The following CTNNA1 variants were observed in gnomAD, a reference collection of about 807,000 sequenced individuals.
CTNNA1 encodes catenin alpha 1.
CTNNA1 carries 37 observed loss-of-function variants against 98.4 expected under a neutral mutation model. The ratio of observed to expected loss-of-function variants is 0.38; its 90% CI spans 0.29 to 0.49. The LOEUF (loss-of-function observed/expected upper bound fraction) is 0.49, where lower values mean the gene tolerates loss of function less well. CTNNA1 is among the 20% of genes least tolerant of loss of function. The pLI, the probability that CTNNA1 is intolerant of heterozygous loss-of-function variation, is 0.95. For missense variants in CTNNA1, 761 were observed against 1,147.2 expected (o/e 0.66, Z 4.86); for synonymous variants, 404 against 413.2 (o/e 0.98, Z 0.27).
intron 7 of CTNNA1, among the ~76,000 whole-genome samples, chr5:138,867,770 T>A (rs2149905446): frequency 6.6e-6 from 1 of 151,724 alleles, no homozygotes; most frequent in Admixed American, 6.6e-5. Context: ...TCTTTTTTTT[T>A]AAGATGGAGT....
At chr5:138,824,918 T>G in intron 6 of CTNNA1, 119 bp downstream of exon 6, 3 of 907,610 alleles carry the variant, frequency 3.3e-6, no homozygotes, top group Middle Eastern at 5.6e-4. Context: ...AGATCTTTAA[T>G]CTAAGTCAAA....
chr5:138,830,353 T>C (rs1431150393), intron 7 of CTNNA1, among the ~76,000 whole-genome samples: 4 of 152,132 alleles, frequency 2.6e-5, no homozygotes, highest in African/African-American at 9.7e-5. Flanking sequence ...CAGAGCGAGA[T>C]TCTGTCTCAA....
chr5:138,883,154 AC>A lies in CTNNA1; in HGVS notation c.1063-3056del, dbSNP rs1344238251. On this transcript the variant is annotated intron_variant, in intron 7 of 17. Coordinates refer to ENST00000302763, the MANE Select transcript of CTNNA1 (RefSeq NM_001903.5). Reference sequence around the variant, plus strand: ...AGTGCTAGGATTACAGGCATGAGCCACCGCGCCTGGCAGAATCTTGTTTTAA... The same window carrying A: ...AGTGCTAGGATTACAGGCATGAGCCACGCGCCTGGCAGAATCTTGTTTTAA... 2.0e-5 allele frequency among the ~76,000 whole-genome samples: 3 copies of A among 152,314 alleles called. No homozygotes were observed. The East Asian group carries it at 5.8e-4, about 29-fold the overall frequency.
intron 1 of CTNNA1, among the ~76,000 whole-genome samples, chr5:138,757,828 G>A (rs905534064): frequency 6.6e-6 from 1 of 152,140 alleles, no homozygotes; most frequent in African/African-American, 2.4e-5. Flanking sequence ...AGTCTAGCTT[G>A]TGGATGGAAT....
At chr5:138,887,367 C>T (rs1754294747) in intron 8 of CTNNA1, 123 bp from the exon 9 acceptor site, 2 of 643,620 alleles carry the variant, frequency 3.1e-6, no homozygotes, top group Admixed American at 3.4e-5. Flanking sequence ...GAGGGGTCCT[C>T]ATGTAAGTGC....
chr5:138,857,623 G>C (rs1763847581), intron 7 of CTNNA1, among the ~76,000 whole-genome samples: 1 of 152,054 alleles, frequency 6.6e-6, no homozygotes, highest in Non-Finnish European at 1.5e-5. Flanking sequence ...ATTCTTAAGT[G>C]CCTTCCTATT....
At chr5:138,791,309 A>G (rs531564438) in intron 3 of CTNNA1, among the ~76,000 whole-genome samples, 1 of 152,262 alleles carries the variant, frequency 6.6e-6, no homozygotes, top group East Asian at 1.9e-4. Context: ...CAATCATTAC[A>G]TAAATCATCT....
intron 3 of CTNNA1, among the ~76,000 whole-genome samples, chr5:138,793,803 TGAG>T (rs892699142): frequency 6.6e-6 from 1 of 152,154 alleles, no homozygotes; most frequent in Non-Finnish European, 1.5e-5. Flanking sequence ...GTAAGGAAAA[TGAG>T]AACATGAATA....
chr5:138,912,281 T>G (rs981477454), intron 10 of CTNNA1, among the ~76,000 whole-genome samples: 3 of 151,940 alleles, frequency 2.0e-5, no homozygotes, highest in Non-Finnish European at 2.9e-5. Flanking sequence ...GGGGAGTTTC[T>G]AGGAAAAGAT....
At chr5:138,897,092 G>A (rs1007282750) in intron 9 of CTNNA1, among the ~76,000 whole-genome samples, 2 of 151,920 alleles carry the variant, frequency 1.3e-5, no homozygotes, top group Non-Finnish European at 2.9e-5. Flanking sequence ...CAGTGATTGT[G>A]TTTCATCCTT....
chr5:138,841,769 T>C (rs1474264523), intron 7 of CTNNA1, among the ~76,000 whole-genome samples: 1 of 152,234 alleles, frequency 6.6e-6, no homozygotes, highest in African/African-American at 2.4e-5. Context: ...TTTGAAATGA[T>C]TGGCCTCCTG....
intron 15 of CTNNA1, 72 bp downstream of exon 15, chr5:138,930,726 C>T: frequency 4.5e-6 from 7 of 1,563,968 alleles, no homozygotes; most frequent in South Asian, 1.1e-5. Flanking sequence ...TGCGCAGCGG[C>T]TCAGACAGCC....
At chr5:138,774,100 C>A (rs1444009615) in intron 1 of CTNNA1, among the ~76,000 whole-genome samples, 1 of 152,130 alleles carries the variant, frequency 6.6e-6, no homozygotes, top group Non-Finnish European at 1.5e-5. Flanking sequence ...CCAGGCTGGT[C>A]TTGAGATCCC....
chr5:138,923,658 T>C lies in CTNNA1; in HGVS notation c.1547-852T>C, dbSNP rs909391266. On this transcript the variant is annotated intron_variant, in intron 11 of 17. Coordinates refer to ENST00000302763, the MANE Select transcript of CTNNA1 (RefSeq NM_001903.5). Reference sequence around the variant, plus strand: ...TCCCGCCTCAGCCTCTAGATCTGTATCATCCACTTTAATGGCTGCATAGTT... The same window carrying C: ...TCCCGCCTCAGCCTCTAGATCTGTACCATCCACTTTAATGGCTGCATAGTT... 1.1e-3 allele frequency among the ~76,000 whole-genome samples: 163 copies of C among 152,142 alleles called. 4 individuals carry two copies. Among genetic ancestry groups the C allele is most frequent in the Non-Finnish European group, 1.5e-5 (1 of 68,002 alleles).
At chr5:138,923,747 A>G (rs1193661035) in intron 11 of CTNNA1, among the ~76,000 whole-genome samples, 2 of 152,178 alleles carry the variant, frequency 1.3e-5, no homozygotes, top group African/African-American at 2.4e-5. Context: ...GTTACTACAG[A>G]TGAGTTCGAG....
chr5:138,853,759 T>C (rs1288255655), intron 7 of CTNNA1, among the ~76,000 whole-genome samples: 10 of 152,220 alleles, frequency 6.6e-5, no homozygotes, highest in Non-Finnish European at 1.5e-5. Context: ...GTTGCTTTTA[T>C]ATTTCTTTTC....
At chr5:138,789,195 C>A (rs397840491) in intron 3 of CTNNA1, among the ~76,000 whole-genome samples, 3 of 150,826 alleles carry the variant, frequency 2.0e-5, no homozygotes, top group South Asian at 2.1e-4. Context: ...TTTTCCCCCC[C>A]CCCAGAGCTT....
At chr5:138,776,001 C>G (rs1754090270) in intron 1 of CTNNA1, among the ~76,000 whole-genome samples, 1 of 147,136 alleles carries the variant, frequency 6.8e-6, no homozygotes, top group Admixed American at 6.8e-5. Flanking sequence ...GCTGGGATTA[C>G]AGGTGTGAGC....
chr5:138,852,747 C>T (rs965481496), intron 7 of CTNNA1, among the ~76,000 whole-genome samples: 1 of 151,972 alleles, frequency 6.6e-6, no homozygotes, highest in South Asian at 2.1e-4. Context: ...TCCTTCTACC[C>T]GCCTCTCTCC....
Sources: gnomAD v4.1 joint callset for allele counts (sites outside exome capture counted in the v4.1 genomes callset) on GRCh38, gnomAD v4.1.1 for gene constraint, MANE v1.5 for transcripts, NCBI Gene and HGNC (gene_info 2026-07-23, HGNC 2026-07-21) for gene names.